Variants in DACH1 observed in about 807,000 individuals in gnomAD.
The protein encoded by DACH1 is dachshund homolog 1.
A neutral mutation model predicts 54.2 loss-of-function variants in DACH1; 12 were observed. That is an observed-to-expected ratio of 0.22 (90% CI 0.14 to 0.36). The LOEUF (loss-of-function observed/expected upper bound fraction) is 0.36. Among genes scored for constraint, DACH1 ranks in the 10% least tolerant of loss-of-function variants. DACH1 has a pLI of 1.00. For synonymous variants in DACH1, 386 were observed against 366.2 expected (o/e 1.05, Z -0.62); for missense variants, 805 against 929.8 (o/e 0.87, Z 1.75).
At chr13:71,641,147 A>G (rs1031336804) in intron 2 of DACH1, among the ~76,000 whole-genome samples, 2 of 152,092 alleles carry the variant, frequency 1.3e-5, no homozygotes, top group East Asian at 1.9e-4. Flanking sequence ...GCTGGAAAAT[A>G]CGTGGCCACA....
chr13:71,562,666 G>A (rs973489858), intron 4 of DACH1, among the ~76,000 whole-genome samples: 3 of 151,926 alleles, frequency 2.0e-5, no homozygotes, highest in Admixed American at 2.0e-4. Context: ...AAACGTCTAA[G>A]GCAAACAAAC....
chr13:71,728,295 T>A (rs1386331693), intron 1 of DACH1, among the ~76,000 whole-genome samples: 1 of 151,984 alleles, frequency 6.6e-6, no homozygotes, highest in Non-Finnish European at 1.5e-5. Context: ...TATGATCATA[T>A]CTCTTTGGAA....
intron 1 of DACH1, among the ~76,000 whole-genome samples, chr13:71,723,182 G>A (rs540851256): frequency 2.0e-5 from 3 of 151,400 alleles, no homozygotes; most frequent in Admixed American, 2.0e-4. Flanking sequence ...CAAAAGGATC[G>A]CTTGAGCCCA....
At chr13:71,639,312 T>C (rs1877724896) in intron 2 of DACH1, among the ~76,000 whole-genome samples, 1 of 152,140 alleles carries the variant, frequency 6.6e-6, no homozygotes. Flanking sequence ...TAATTGTAAA[T>C]CTGGTTAGAC....
At chr13:71,463,737 T>C (rs182793759) in intron 10 of DACH1, among the ~76,000 whole-genome samples, 1 of 152,130 alleles carries the variant, frequency 6.6e-6, no homozygotes, top group Admixed American at 6.6e-5. Context: ...GATGTTCTTT[T>C]TTGGTAATAT....
chr13:71,476,267 T>C (rs950330604), intron 8 of DACH1, among the ~76,000 whole-genome samples: 1 of 152,190 alleles, frequency 6.6e-6, no homozygotes, highest in Non-Finnish European at 1.5e-5. Context: ...TATTTCCTCA[T>C]AGGGCATCAA....
At chr13:71,674,831 A>G (rs1018762676) in intron 2 of DACH1, among the ~76,000 whole-genome samples, 5 of 152,094 alleles carry the variant, frequency 3.3e-5, no homozygotes, top group Non-Finnish European at 7.3e-5. Flanking sequence ...CTCTTCAAGA[A>G]AAGTACAAAG....
intron 6 of DACH1, among the ~76,000 whole-genome samples, chr13:71,499,406 A>G (rs575603711): frequency 9.2e-5 from 14 of 152,214 alleles, no homozygotes; most frequent in Non-Finnish European, 1.2e-4. Context: ...TCTGCACAGT[A>G]GGGCCATTAA....
chr13:71,444,441 G>A (rs1456579083), intron 10 of DACH1, among the ~76,000 whole-genome samples: 2 of 151,694 alleles, frequency 1.3e-5, no homozygotes, highest in Non-Finnish European at 2.9e-5. Context: ...TGTTTCCTAG[G>A]ATTAAACAGA....
chr13:71,683,555 C>A (rs575738716), intron 1 of DACH1, among the ~76,000 whole-genome samples: 3 of 152,070 alleles, frequency 2.0e-5, no homozygotes, highest in Non-Finnish European at 4.4e-5. Context: ...GGGCTAGATC[C>A]TGGAGGATGT....
chr13:71,495,823 G>A (rs185057484), intron 6 of DACH1, among the ~76,000 whole-genome samples: 1 of 152,160 alleles, frequency 6.6e-6, no homozygotes, highest in Admixed American at 6.5e-5. Context: ...AGCCCATAAG[G>A]AAAGAAATCG....
chr13:71,776,740 T>C (rs1221863304), intron 1 of DACH1, among the ~76,000 whole-genome samples: 2 of 152,132 alleles, frequency 1.3e-5, no homozygotes, highest in East Asian at 3.8e-4. Context: ...ATATTTAAAT[T>C]TTACTTACCC....
intron 1 of DACH1, among the ~76,000 whole-genome samples, chr13:71,811,620 T>G (rs890421877): frequency 2.0e-5 from 3 of 152,188 alleles, no homozygotes; most frequent in Admixed American, 2.0e-4. Context: ...AAGTATTAAG[T>G]ATACTTAGGC....
At chr13:71,864,904 T>C (rs565617762) in intron 1 of DACH1, among the ~76,000 whole-genome samples, 54 of 152,164 alleles carry the variant, frequency 3.5e-4, no homozygotes, top group Admixed American at 2.1e-3. Context: ...CAGTGCAAAG[T>C]GTGCACCTGC....
chr13:71,695,409 T>C (rs1180691571), intron 1 of DACH1, among the ~76,000 whole-genome samples: 3 of 152,104 alleles, frequency 2.0e-5, no homozygotes, highest in Admixed American at 6.6e-5. Context: ...TTAGAATACA[T>C]AGCTATGACA....
At chr13:71,717,256 AG>A (rs1425131944) in intron 1 of DACH1, among the ~76,000 whole-genome samples, 1 of 152,192 alleles carries the variant, frequency 6.6e-6, no homozygotes, top group African/African-American at 2.4e-5. Flanking sequence ...CAGAATATTA[AG>A]TCATCATTGC....
chr13:71,605,837 G>C (rs994032770), intron 3 of DACH1, among the ~76,000 whole-genome samples: 2 of 151,970 alleles, frequency 1.3e-5, no homozygotes, highest in Non-Finnish European at 2.9e-5. Flanking sequence ...CTCACCCCGT[G>C]TAATTGAAAG....
At chr13:71,745,266 G>C (rs1594167719) in intron 1 of DACH1, among the ~76,000 whole-genome samples, 1 of 151,914 alleles carries the variant, frequency 6.6e-6, no homozygotes, top group Non-Finnish European at 1.5e-5. Context: ...TTCTACTACA[G>C]GTTCATTATC....
intron 1 of DACH1, among the ~76,000 whole-genome samples, chr13:71,750,173 A>G (rs1458717189): frequency 2.0e-5 from 3 of 152,084 alleles, no homozygotes; most frequent in Non-Finnish European, 4.4e-5. Flanking sequence ...CACTATACCG[A>G]TGTTTAGAGT....
Sources: gnomAD v4.1 joint callset for allele counts (sites outside exome capture counted in the v4.1 genomes callset) on GRCh38, gnomAD v4.1.1 for gene constraint, MANE v1.5 for transcripts, NCBI Gene and HGNC (gene_info 2026-07-23, HGNC 2026-07-21) for gene names.